NFIA: variants seen among roughly 807,000 people sequenced by gnomAD.
NFIA encodes nuclear factor I A, also known as nuclear factor 1 A-type.
NFIA carries 8 observed loss-of-function variants against 62.8 expected under a neutral mutation model. The ratio of observed to expected loss-of-function variants is 0.13; its 90% CI spans 0.07 to 0.23. NFIA has a LOEUF of 0.23. Ranked by LOEUF, NFIA falls within the 10% of genes least tolerant of loss-of-function variation. NFIA has a pLI of 1.00. For missense variants in NFIA, 410 were observed against 642.1 expected, an observed-to-expected ratio of 0.64 and a Z score of 3.91; for synonymous variants, 235 against 238.1, an observed-to-expected ratio of 0.99 and a Z score of 0.12.
chr1:61,337,021 G>C (rs1293371453), intron 4 of NFIA, among the ~76,000 whole-genome samples: 2 of 152,202 alleles, frequency 1.3e-5, no homozygotes, highest in African/African-American at 4.8e-5. Flanking sequence ...AAATGTAAGA[G>C]AGGAGGGAGG....
intron 2 of NFIA, among the ~76,000 whole-genome samples, chr1:61,209,659 A>G (rs1053922595): frequency 3.7e-5 from 5 of 133,666 alleles, no homozygotes; most frequent in Non-Finnish European, 7.8e-5. Context: ...CCCCATCTCT[A>G]TGAAAAATAC....
rs1173061547 is a variant in NFIA, at chr1:61,132,882, A to G, written c.559+44202A>G. On this transcript the variant is annotated intron_variant, in intron 2 of 10. Transcript: ENST00000403491. ...CACTCTTGGCAAGCAACTCCCTACC[A>G]CTGCGTTAATTTCCTGTCGATCTTT... 2.0e-5 allele frequency: 3 copies of G among 152,162 alleles called. No individual in the cohort carries two copies. In the East Asian group the frequency reaches 5.8e-4, roughly 29 times the overall value. 9.4% of individuals were successfully genotyped at this position (152,162 alleles called of 1,614,324 possible).
chr1:61,357,376 G>A (rs1048965801), intron 5 of NFIA, among the ~76,000 whole-genome samples: 4 of 152,216 alleles, frequency 2.6e-5, no homozygotes, highest in African/African-American at 9.7e-5. Context: ...GGGTGTCTGG[G>A]ACAAAGAAGG....
intron 2 of NFIA, among the ~76,000 whole-genome samples, chr1:61,242,845 G>A (rs1356430266): frequency 6.6e-6 from 1 of 152,106 alleles, no homozygotes. Context: ...ATTGGTAGTG[G>A]AATCAGCTAG....
intron 7 of NFIA, among the ~76,000 whole-genome samples, chr1:61,387,265 C>T (rs767238737): frequency 1.4e-4 from 21 of 152,010 alleles, no homozygotes; most frequent in Non-Finnish European, 2.5e-4. Flanking sequence ...ATTATCATCT[C>T]TAACTCAAAA....
intron 3 of NFIA, among the ~76,000 whole-genome samples, chr1:61,326,696 CAGAAGGG>C (rs1277975620): frequency 6.6e-6 from 1 of 152,094 alleles, no homozygotes; most frequent in African/African-American, 2.4e-5. Flanking sequence ...GGTCAGTATT[CAGAAGGG>C]AGAAAAAAAG....
rs1179803235 is a variant in NFIA at position 61,383,217 on chromosome 1, C to T, written c.947-20C>T. 6.2e-7 allele frequency: 1 copy of T among 1,613,432 alleles called. No homozygotes were observed. The highest frequency in any genetic ancestry group is 1.3e-5 in the African/African-American group (1 of 74,836). On this transcript the variant is annotated intron_variant, in intron 6 of 10. Transcript: ENST00000403491. ...GTTCCATGAATTAAAGTGTACTTAC[C>T]AGTTGATCCTTCTTGCCAGGAATGC... is the stretch of plus-strand genomic sequence containing the variant.
chr1:61,294,825 G>C (rs1215770148), intron 3 of NFIA, among the ~76,000 whole-genome samples: 3 of 152,186 alleles, frequency 2.0e-5, no homozygotes. Flanking sequence ...TCTGTCGCTG[G>C]TAAGATGGTG....
intron 2 of NFIA, among the ~76,000 whole-genome samples, chr1:61,189,287 C>T (rs566213457): frequency 3.3e-5 from 5 of 152,230 alleles, no homozygotes; most frequent in Non-Finnish European, 5.9e-5. Flanking sequence ...GACTCTTGCC[C>T]TTCTGCTTCT....
At chr1:61,092,104 C>T (rs1570132013) in intron 2 of NFIA, among the ~76,000 whole-genome samples, 1 of 152,174 alleles carries the variant, frequency 6.6e-6, no homozygotes, top group East Asian at 1.9e-4. Flanking sequence ...TAAAATTAAA[C>T]AAATTAATTT....
rs35045816 is a variant in NFIA, at chr1:61,126,462, A to ACACACACACACACACACACACT, written c.559+37795_559+37796insACACACACTCACACACACACAC. Among the ~76,000 whole-genome samples the ACACACACACACACACACACACT allele has an allele frequency of 4.1e-3, 602 of 145,912 alleles. 6 individuals are homozygous for ACACACACACACACACACACACT. The highest frequency in any genetic ancestry group is 0.013 in the East Asian group (63 of 4,916). ...AACACACACACACACACACACACACACACACACACACACTCACAGAAATAT... is the reference window on the plus strand; with the variant it reads ...AACACACACACACACACACACACACACACACACACACACACACACACTCACACACACACACTCACAGAAATAT... On this transcript the variant is annotated intron_variant, in intron 2 of 10. Transcript: ENST00000403491.
intron 7 of NFIA, among the ~76,000 whole-genome samples, chr1:61,397,913 A>G (rs1557756820): frequency 6.6e-6 from 1 of 151,988 alleles, no homozygotes. Context: ...TCAAAAGTCT[A>G]CCGTGGAGAG....
At chr1:61,191,539 T>C (rs1425820558) in intron 2 of NFIA, among the ~76,000 whole-genome samples, 1 of 152,158 alleles carries the variant, frequency 6.6e-6, no homozygotes, top group Non-Finnish European at 1.5e-5. Context: ...ACCAATTCAA[T>C]TAGGCAGGAG....
chr1:61,271,324 TATC>T (rs1183623577), intron 2 of NFIA, among the ~76,000 whole-genome samples: 1 of 152,216 alleles, frequency 6.6e-6, no homozygotes, highest in Non-Finnish European at 1.5e-5. Flanking sequence ...TAAACAGTCT[TATC>T]ATCGTACACA....
chr1:61,453,827 T>A (rs957497760), intron 10 of NFIA, among the ~76,000 whole-genome samples: 3 of 152,182 alleles, frequency 2.0e-5, no homozygotes, highest in Non-Finnish European at 2.9e-5. Context: ...CTTTCTTTTG[T>A]CCAGCTAGAT....
intron 2 of NFIA, among the ~76,000 whole-genome samples, chr1:61,249,303 G>A (rs11207717): frequency 0.01 from 1,594 of 152,192 alleles, 32 homozygotes; most frequent in African/African-American, 0.036. Flanking sequence ...TTTTCAGAAG[G>A]AAATAATTTC....
At chr1:61,403,540 A>G (rs1369315906) in intron 7 of NFIA, among the ~76,000 whole-genome samples, 1 of 152,210 alleles carries the variant, frequency 6.6e-6, no homozygotes, top group East Asian at 1.9e-4. Context: ...TCTGAAGGCG[A>G]CATAAACCAT....
intron 9 of NFIA, among the ~76,000 whole-genome samples, chr1:61,410,957 G>A (rs902680760): frequency 6.6e-6 from 1 of 151,924 alleles, no homozygotes; most frequent in African/African-American, 2.4e-5. Context: ...AATATGCCAA[G>A]TGTCTTCTGT....
chr1:61,117,554 T>C (rs534262159), intron 2 of NFIA, among the ~76,000 whole-genome samples: 8 of 152,160 alleles, frequency 5.3e-5, no homozygotes, highest in Non-Finnish European at 1.2e-4. Flanking sequence ...TTTATATTAA[T>C]GTAACTATAT....
Sources: gnomAD v4.1 joint callset for allele counts (sites outside exome capture counted in the v4.1 genomes callset) on GRCh38, gnomAD v4.1.1 for gene constraint, MANE v1.5 for transcripts, NCBI Gene and HGNC (gene_info 2026-07-23, HGNC 2026-07-21) for gene names.